DAB1: variants seen among roughly 807,000 people sequenced by gnomAD.
DAB1 encodes the protein disabled homolog 1.
In DAB1, 15 loss-of-function variants were observed where a neutral mutation model predicts 64.6. The ratio of observed to expected loss-of-function variants is 0.23; its 90% CI spans 0.16 to 0.36. The LOEUF (loss-of-function observed/expected upper bound fraction) is 0.36, where lower values mean the gene tolerates loss of function less well. DAB1 is among the 10% of genes least tolerant of loss of function. The pLI is 1.00. For synonymous variants in DAB1, 235 were observed against 251.9 expected (o/e 0.93, Z 0.64); for missense variants, 596 against 706.7 (o/e 0.84, Z 1.78).
intron 4 of DAB1, among the ~76,000 whole-genome samples, chr1:57,123,801 G>A (rs945587589): frequency 6.6e-6 from 1 of 152,090 alleles, no homozygotes; most frequent in African/African-American, 2.4e-5. Flanking sequence ...TTACAAAGCA[G>A]CGTGTATAGT....
At chr1:57,295,920 G>A (rs114158038) in intron 1 of DAB1, among the ~76,000 whole-genome samples, 2,413 of 152,150 alleles carry the variant, frequency 0.016, 56 homozygotes, top group African/African-American at 0.055. Flanking sequence ...TGTTAAATGG[G>A]CATCATAAGC....
intron 1 of DAB1, chr1:57,866,497 C>A (rs1301166711): frequency 6.6e-6 from 1 of 152,158 alleles, no homozygotes; most frequent in African/African-American, 2.4e-5. Flanking sequence ...TCATGTTCTT[C>A]TATGGAGACA....
chr1:58,240,043 A>G (rs1431903278), intron 4 of DAB1, among the ~76,000 whole-genome samples: 1 of 152,226 alleles, frequency 6.6e-6, no homozygotes, highest in Non-Finnish European at 1.5e-5. Flanking sequence ...CAAAAGAAGT[A>G]GGCGACTGCT....
chr1:57,689,698 A>G (rs1646740949), intron 6 of DAB1, among the ~76,000 whole-genome samples: 1 of 152,198 alleles, frequency 6.6e-6, no homozygotes, highest in Non-Finnish European at 1.5e-5. Context: ...CATGCAATGC[A>G]TAATAACCAC....
intron 7 of DAB1, among the ~76,000 whole-genome samples, chr1:57,523,163 C>T (rs72676940): frequency 0.03 from 4,628 of 152,246 alleles, 97 homozygotes; most frequent in Non-Finnish European, 0.047. Context: ...CTCTAGAGAA[C>T]CCTGACGAAT....
intron 5 of DAB1, among the ~76,000 whole-genome samples, chr1:57,937,345 G>C (rs2102045990): frequency 6.6e-6 from 1 of 152,204 alleles, no homozygotes; most frequent in Middle Eastern, 3.4e-3. Context: ...GTCCAGTCTA[G>C]AATCTCTTAG....
rs541714293 is a variant in DAB1 at position 58,361,637 on chromosome 1, C to T, written n.258-18234G>A. Among the ~76,000 whole-genome samples, 561 of 152,182 alleles carry T rather than the reference C, an allele frequency of 3.7e-3. 8 individuals carry two copies. The highest frequency in any genetic ancestry group is 0.019 in the Admixed American group (295 of 15,286). On this transcript the variant is annotated intron_variant and non_coding_transcript_variant, in intron 3 of 20. Coordinates refer to the DAB1 transcript ENST00000485760. Reference sequence around the variant, plus strand: ...TGCAGCCTTGCCCTTTTTTCTGACCCTGAGCAGAGGTTAACAATGTGAGGT... The same window carrying T: ...TGCAGCCTTGCCCTTTTTTCTGACCTTGAGCAGAGGTTAACAATGTGAGGT...
intron 6 of DAB1, among the ~76,000 whole-genome samples, chr1:57,725,784 C>T (rs1346850507): frequency 1.3e-5 from 2 of 151,634 alleles, no homozygotes; most frequent in Non-Finnish European, 2.9e-5. Context: ...CAGAGTCTCA[C>T]TCTGTTGCCT....
chr1:57,076,222 G>A (rs187171463), intron 4 of DAB1, among the ~76,000 whole-genome samples: 16 of 152,316 alleles, frequency 1.1e-4, no homozygotes, highest in Admixed American at 1.0e-3. Context: ...TAGTTCCGGA[G>A]GTGGCTGGGA....
chr1:57,761,349 T>A (rs1649077886), intron 6 of DAB1, among the ~76,000 whole-genome samples: 1 of 152,222 alleles, frequency 6.6e-6, no homozygotes, highest in Non-Finnish European at 1.5e-5. Context: ...TTTTAATCTA[T>A]TTTGTATTTA....
intron 6 of DAB1, among the ~76,000 whole-genome samples, chr1:57,762,145 A>C (rs913585682): frequency 4.6e-5 from 7 of 152,282 alleles, no homozygotes; most frequent in Admixed American, 2.6e-4. Context: ...CTAATAAGCA[A>C]ATGAATTTTA....
chr1:58,141,490 G>C (rs536576430), intron 5 of DAB1, among the ~76,000 whole-genome samples: 3 of 152,088 alleles, frequency 2.0e-5, no homozygotes, highest in Admixed American at 1.3e-4. Context: ...TGAGATTTGC[G>C]TAGGGACACA....
At chr1:57,648,406 C>T (rs919782514) in intron 7 of DAB1, among the ~76,000 whole-genome samples, 4 of 152,088 alleles carry the variant, frequency 2.6e-5, no homozygotes, top group Non-Finnish European at 4.4e-5. Flanking sequence ...CAACGAAATG[C>T]AAAAATTGAC....
In DAB1 at chr1:58,398,076, C is replaced by T. The variant is rs113188756; in HGVS notation, n.258-54673G>A. Among the ~76,000 whole-genome samples, 126 of 152,218 alleles carry T rather than the reference C, an allele frequency of 8.3e-4. 1 individual carries two copies. The highest frequency in any genetic ancestry group is 6.8e-3 in the Middle Eastern group (2 of 294). On this transcript the variant is annotated intron_variant and non_coding_transcript_variant, in intron 3 of 20. Transcript: ENST00000485760. ...GCCCTGGCACTGCGCACATGGATTC[C>T]GATCTATCTTCACAGCTGCCAGAAT...
At chr1:57,853,764 A>G (rs1452853386) in intron 1 of DAB1, among the ~76,000 whole-genome samples, 1 of 152,170 alleles carries the variant, frequency 6.6e-6, no homozygotes, top group Non-Finnish European at 1.5e-5. Context: ...ATCCTGTAGA[A>G]AAAAATATGT....
chr1:57,877,621 C>T (rs1644072157), intron 1 of DAB1, among the ~76,000 whole-genome samples: 1 of 21,218 alleles, frequency 4.7e-5, no homozygotes, highest in Non-Finnish European at 8.4e-5. Flanking sequence ...ACTGCAGTGG[C>T]GCAATCTCGG....
At chr1:57,512,957 G>A (rs1644422206) in intron 7 of DAB1, among the ~76,000 whole-genome samples, 1 of 152,190 alleles carries the variant, frequency 6.6e-6, no homozygotes, top group African/African-American at 2.4e-5. Flanking sequence ...AGCCAGGATA[G>A]ACCAGGGCTG....
chr1:58,166,263 G>C (rs1655826044), intron 4 of DAB1, among the ~76,000 whole-genome samples: 1 of 152,124 alleles, frequency 6.6e-6, no homozygotes, highest in Non-Finnish European at 1.5e-5. Context: ...CTGCAATCTA[G>C]TTTTAGAACA....
chr1:57,770,937 C>T (rs1043298450), intron 6 of DAB1, among the ~76,000 whole-genome samples: 11 of 152,084 alleles, frequency 7.2e-5, no homozygotes, highest in African/African-American at 2.2e-4. Flanking sequence ...TTGTCTAATC[C>T]ATACTGAGCA....
Sources: gnomAD v4.1 joint callset for allele counts (sites outside exome capture counted in the v4.1 genomes callset) on GRCh38, gnomAD v4.1.1 for gene constraint, MANE v1.5 for transcripts, NCBI Gene and HGNC (gene_info 2026-07-23, HGNC 2026-07-21) for gene names.